PDZD8: variants seen among roughly 807,000 people sequenced by gnomAD.
PDZD8 encodes the protein PDZ domain-containing protein 8.
In PDZD8, 14 loss-of-function variants were observed where a neutral mutation model predicts 85.8. The observed-to-expected ratio is 0.16, with a 90% CI of 0.11 to 0.26. PDZD8 has a LOEUF of 0.26. Among genes scored for constraint, PDZD8 ranks in the 10% least tolerant of loss-of-function variants. The pLI is 1.00. For missense variants in PDZD8, 1,197 were observed against 1,424.3 expected (o/e 0.84, Z 2.57); for synonymous variants, 592 against 568.6 (o/e 1.04, Z -0.59).
intron 2 of PDZD8, among the ~76,000 whole-genome samples, chr10:117,330,289 C>G (rs1366013961): frequency 6.6e-6 from 1 of 152,070 alleles, no homozygotes; most frequent in African/African-American, 2.4e-5. Context: ...CTCATTTTCC[C>G]CCTGCTACCT....
At chr10:117,323,008 G>C (rs773560093) in intron 2 of PDZD8, among the ~76,000 whole-genome samples, 1 of 152,142 alleles carries the variant, frequency 6.6e-6, no homozygotes. Context: ...TGAGTACTCA[G>C]CCTTCTGACT....
rs1845246166 is a variant in PDZD8, at chr10:117,374,215, T to G, written c.872+141A>C. 3 of 1,324,700 alleles carry G rather than the reference T, an allele frequency of 2.3e-6. No individual in the cohort carries two copies. The highest frequency in any genetic ancestry group is 1.5e-5 in the South Asian group (1 of 68,494). 82.1% of individuals were successfully genotyped at this position (1,324,700 alleles called of 1,614,324 possible). A position where few individuals can be genotyped will look rare whatever the true frequency, so the allele number is the denominator to read the frequency against. On this transcript the variant is annotated intron_variant, in intron 1 of 4. Coordinates refer to ENST00000334464, the MANE Select transcript of PDZD8 (RefSeq NM_173791.5). This position sits in a 1 kb window ranked among gnomAD's most constrained non-coding sequence, Gnocchi z 7.8. The stretch of plus-strand genomic sequence containing the variant: ...AGCAAGTGTTCACGACTCGCCTTGA[T>G]CTGGGGCCCTGTCCAGGGTGGGAAG...
At chr10:117,298,791 T>C in intron 3 of PDZD8, among the ~76,000 whole-genome samples, 1 of 152,206 alleles carries the variant, frequency 6.6e-6, no homozygotes, top group East Asian at 1.9e-4. Context: ...TGACTACATA[T>C]TGTTTACTGC....
chr10:117,318,880 T>C lies in PDZD8; in HGVS notation c.1090A>G (p.Ile364Val), dbSNP rs138899307. ...CTGTAAATCCATTTTACCGTCTTAA[T>C]AGAACTCCTCTGTTTTTCTTCCCAA... is the stretch of plus-strand genomic sequence containing the variant. Reference protein sequence around the residue: ...SVWEEKQRSSIKTVELIKGNL... With the variant: ...SVWEEKQRSSVKTVELIKGNL... The change falls in exon 3 of 5, where the codon ATT becomes GTT. Residue 364 changes from isoleucine (I) to valine (V), a missense_variant. By Grantham distance (29) the Ile-to-Val change is conservative. Coordinates refer to ENST00000334464, the MANE Select transcript of PDZD8 (RefSeq NM_173791.5). 32 of 1,593,824 alleles carry C rather than the reference T, an allele frequency of 2.0e-5. No individual in the cohort carries two copies. The highest frequency in any genetic ancestry group is 2.5e-5 in the Non-Finnish European group (29 of 1,162,330).
chr10:117,356,008 C>T (rs1256857959), intron 1 of PDZD8, among the ~76,000 whole-genome samples: 1 of 151,922 alleles, frequency 6.6e-6, no homozygotes, highest in Non-Finnish European at 1.5e-5. Context: ...ATTATATGCT[C>T]GTTTTTCTCT....
intron 2 of PDZD8, among the ~76,000 whole-genome samples, chr10:117,327,691 T>C (rs757293925): frequency 2.6e-5 from 4 of 152,256 alleles, no homozygotes; most frequent in Non-Finnish European, 5.9e-5. Context: ...TTAAATGTTA[T>C]AATTGTCTTT....
intron 2 of PDZD8, among the ~76,000 whole-genome samples, chr10:117,331,230 G>C (rs1378218592): frequency 1.3e-5 from 2 of 152,210 alleles, no homozygotes; most frequent in Non-Finnish European, 2.9e-5. Context: ...GGAAGCAGTA[G>C]TGGTGGTGGT....
chr10:117,353,004 A>G (rs1174733857), intron 1 of PDZD8, among the ~76,000 whole-genome samples: 1 of 152,126 alleles, frequency 6.6e-6, no homozygotes, highest in African/African-American at 2.4e-5. Context: ...GAGCCACAGG[A>G]GTGGGGTTGT....
rs1281761124 is a variant in PDZD8 at position 117,374,913 on chromosome 10, C to T, written c.315G>A (p.Leu105=). The T allele has an allele frequency of 3.1e-6, 5 of 1,613,470 alleles. No homozygotes were observed. The highest frequency in any genetic ancestry group is 1.7e-6 in the Non-Finnish European group (2 of 1,179,850). ...CYFLNATILF[L]FRELRDTALT... The stretch of plus-strand genomic sequence containing the variant: ...GCGCGGTGTCCCGCAACTCCCGGAA[C>T]AGGAATAGGATGGTGGCGTTGAGGA... Residue 105 remains leucine, a synonymous_variant, in exon 1 of 5, where the codon CTG becomes CTA. Coordinates refer to ENST00000334464, the MANE Select transcript of PDZD8 (RefSeq NM_173791.5). This position sits in a 1 kb window ranked among gnomAD's most constrained non-coding sequence, Gnocchi z 7.8.
chr10:117,318,904 A>C lies in PDZD8; in HGVS notation c.1066T>G (p.Trp356Gly). 6.2e-7 allele frequency: 1 copy of C among 1,611,502 alleles called. No homozygotes were observed. The highest frequency in any genetic ancestry group is 1.1e-5 in the South Asian group (1 of 91,014). The change falls in exon 3 of 5, where the codon TGG (tryptophan) becomes GGG (glycine). Residue 356 changes from tryptophan (W) to glycine (G), a missense_variant. Physicochemically the swap from Trp to Gly is radical, Grantham distance 184. Transcript: ENST00000334464. The stretch of plus-strand genomic sequence containing the variant: ...ATAGAACTCCTCTGTTTTTCTTCCC[A>C]AACACTACTGCTTAACTCAAGTGTG... ...HCTLELSSSV[W>G]EEKQRSSIKT...
chr10:117,371,641 A>C (rs1328807369), intron 1 of PDZD8, among the ~76,000 whole-genome samples: 2 of 152,110 alleles, frequency 1.3e-5, no homozygotes, highest in African/African-American at 2.4e-5. Context: ...TTCTAGTTTA[A>C]ATCTTACAAA....
At chr10:117,357,506 C>T (rs1167346459) in intron 1 of PDZD8, among the ~76,000 whole-genome samples, 1 of 152,000 alleles carries the variant, frequency 6.6e-6, no homozygotes, top group African/African-American at 2.4e-5. Context: ...TGGCTCACGC[C>T]TGTAATCCCA....
chr10:117,289,335 C>G (rs1418146509), intron 4 of PDZD8, among the ~76,000 whole-genome samples: 6 of 152,200 alleles, frequency 3.9e-5, no homozygotes, highest in African/African-American at 1.4e-4. Context: ...CCAAGGACAA[C>G]TGCACCTTGA....
intron 2 of PDZD8, among the ~76,000 whole-genome samples, chr10:117,324,080 T>G (rs1442545576): frequency 6.6e-6 from 1 of 151,516 alleles, no homozygotes; most frequent in Non-Finnish European, 1.5e-5. Context: ...ATACAAAAAT[T>G]AGCCAGATGT....
At chr10:117,329,998 AAGGGAGGG>A (rs1218256867) in intron 2 of PDZD8, among the ~76,000 whole-genome samples, 4 of 28,098 alleles carry the variant, frequency 1.4e-4, no homozygotes, top group Non-Finnish European at 2.7e-4. Flanking sequence ...GGAAGGAAGG[AAGGGAGGG>A]AGGGAGGGAG....
At chr10:117,306,657 GT>G (rs11335099) in intron 3 of PDZD8, among the ~76,000 whole-genome samples, 146,921 of 148,852 alleles carry the variant, frequency 0.99, 72,515 homozygotes, top group Middle Eastern at 1. Context: ...GATAGGTTTT[GT>G]TTTTTTTTTT....
At chr10:117,337,088 CAA>C (rs879870820) in intron 2 of PDZD8, among the ~76,000 whole-genome samples, 3 of 132,662 alleles carry the variant, frequency 2.3e-5, no homozygotes, top group African/African-American at 2.8e-5. Context: ...GACTCCATCT[CAA>C]AAAAAAAAAA....
Position 117,294,006 on chromosome 10 carries a change from A to G in PDZD8, c.1099-3658T>C, listed in dbSNP as rs975946334. On this transcript the variant is annotated intron_variant, in intron 3 of 4. Coordinates refer to ENST00000334464, the MANE Select transcript of PDZD8 (RefSeq NM_173791.5). ...ATCCAAAAATATTTCAAATGAAATGATGAAAATGCAACCAATCAGAATTTG... is the reference window on the plus strand; with the variant it reads ...ATCCAAAAATATTTCAAATGAAATGGTGAAAATGCAACCAATCAGAATTTG... Among the ~76,000 whole-genome samples, 4 of 152,296 alleles carry G rather than the reference A, an allele frequency of 2.6e-5. No individual in the cohort carries two copies. The East Asian group carries it at 7.7e-4, about 29-fold the overall frequency.
chr10:117,289,972 T>G (rs1047819767), intron 4 of PDZD8, among the ~76,000 whole-genome samples: 6 of 152,232 alleles, frequency 3.9e-5, no homozygotes, highest in Admixed American at 1.3e-4. Flanking sequence ...TTTAAAGATT[T>G]ATACACTAGA....
Sources: allele counts gnomAD v4.1 joint callset (sites outside exome capture counted in the v4.1 genomes callset), GRCh38; gene constraint gnomAD v4.1.1; non-coding constraint Gnocchi (gnomAD v3.1); transcripts MANE v1.5; gene names NCBI Gene and HGNC (gene_info 2026-07-23, HGNC 2026-07-21).